RYR2: variants seen among roughly 807,000 people sequenced by gnomAD.
RYR2 encodes the protein cardiac muscle ryanodine receptor-calcium release channel.
In RYR2, 227 loss-of-function variants were observed where a neutral mutation model predicts 601.1. That is an observed-to-expected ratio of 0.38 (90% confidence interval 0.34 to 0.42). The LOEUF is 0.42. Ranked by LOEUF, RYR2 falls within the 10% of genes least tolerant of loss-of-function variation. The pLI, the probability that RYR2 is intolerant of heterozygous loss-of-function variation, is 1.00. For missense variants in RYR2, 4,646 were observed against 6,156.5 expected (o/e 0.75, Z 8.21); for synonymous variants, 2,223 against 2,175.1 (o/e 1.02, Z -0.61).
At chr1:237,259,395 C>T (rs907744602) in intron 1 of RYR2, among the ~76,000 whole-genome samples, 1 of 152,006 alleles carries the variant, frequency 6.6e-6, no homozygotes, top group African/African-American at 2.4e-5. Context: ...GTAATCTCAG[C>T]TACTCAGGAG....
At chr1:237,125,652 A>C (rs1671328542) in intron 1 of RYR2, among the ~76,000 whole-genome samples, 1 of 152,226 alleles carries the variant, frequency 6.6e-6, no homozygotes, top group Non-Finnish European at 1.5e-5. Flanking sequence ...TCTAAATATT[A>C]AACTGAATGA....
At chr1:237,741,401 C>T (rs991155505) in intron 79 of RYR2, among the ~76,000 whole-genome samples, 5 of 152,002 alleles carry the variant, frequency 3.3e-5, no homozygotes, top group Non-Finnish European at 7.4e-5. Context: ...CCTTCATACA[C>T]CCCATGGAAA....
intron 1 of RYR2, among the ~76,000 whole-genome samples, chr1:237,088,999 T>G (rs1396476921): frequency 6.6e-6 from 1 of 152,200 alleles, no homozygotes; most frequent in African/African-American, 2.4e-5. Context: ...CAAACCCACA[T>G]GGGTCCCATA....
At chr1:237,471,725 A>G (rs578077161) in intron 17 of RYR2, among the ~76,000 whole-genome samples, 22 of 152,218 alleles carry the variant, frequency 1.4e-4, no homozygotes, top group Non-Finnish European at 2.4e-4. Context: ...TGTCAGTTAC[A>G]GGCACAGTTT....
intron 1 of RYR2, among the ~76,000 whole-genome samples, chr1:237,259,381 G>A (rs1431084342): frequency 2.0e-5 from 3 of 152,040 alleles, no homozygotes; most frequent in Admixed American, 6.6e-5. Context: ...GGTGCTGTGC[G>A]CCTGTAATCT....
Position 237,801,823 on chromosome 1 carries a change from A to G in RYR2, c.14091-33A>G, listed in dbSNP as rs575503084. 49 of 1,436,490 alleles carry G rather than the reference A, an allele frequency of 3.4e-5. No individual in the cohort carries two copies. In the East Asian group the frequency reaches 9.4e-4, roughly 28 times the overall value. 89.0% of individuals were successfully genotyped at this position (1,436,490 alleles called of 1,614,324 possible). On this transcript the variant is annotated intron_variant, in intron 97 of 104. Coordinates refer to ENST00000366574, the MANE Select transcript of RYR2 (RefSeq NM_001035.3). ...GCCTATGAGTCTTTGGTTAATGTGCATAACTACGCATTTTTTTTTTTTGTC... is the reference window on the plus strand; with the variant it reads ...GCCTATGAGTCTTTGGTTAATGTGCGTAACTACGCATTTTTTTTTTTTGTC...
chr1:237,499,552 T>C (rs915678414), intron 20 of RYR2, among the ~76,000 whole-genome samples: 2 of 152,232 alleles, frequency 1.3e-5, no homozygotes, highest in Admixed American at 6.5e-5. Flanking sequence ...TTTTTCTGCA[T>C]TGCTTTTATA....
At chr1:237,117,730 CT>C (rs1670284311) in intron 1 of RYR2, among the ~76,000 whole-genome samples, 3 of 137,432 alleles carry the variant, frequency 2.2e-5, no homozygotes, top group African/African-American at 8.5e-5. Context: ...CTCTTCTCTT[CT>C]CTTCTCTTCT....
chr1:237,362,424 A>C (rs1484543023), intron 4 of RYR2, among the ~76,000 whole-genome samples: 1 of 152,218 alleles, frequency 6.6e-6, no homozygotes, highest in Non-Finnish European at 1.5e-5. Context: ...CAAAAACGAC[A>C]TTCTCCACAC....
At chr1:237,808,403 G>A (rs548467224) in intron 99 of RYR2, among the ~76,000 whole-genome samples, 1 of 152,236 alleles carries the variant, frequency 6.6e-6, no homozygotes, top group East Asian at 1.9e-4. Flanking sequence ...GCTCACGCCT[G>A]TAATCCCAGC....
intron 12 of RYR2, among the ~76,000 whole-genome samples, chr1:237,426,913 A>G (rs7532079): frequency 0.99 from 150,515 of 152,278 alleles, 74,390 homozygotes; most frequent in East Asian, 1. Flanking sequence ...TTAACAGGCA[A>G]AATACATCTA....
chr1:237,824,615 G>A (rs1662889998), intron 101 of RYR2, among the ~76,000 whole-genome samples: 1 of 152,058 alleles, frequency 6.6e-6, no homozygotes, highest in South Asian at 2.1e-4. Flanking sequence ...TTGAAAACTG[G>A]CACAAGACAA....
At chr1:237,787,316 G>A (rs1010099185) in intron 91 of RYR2, among the ~76,000 whole-genome samples, 2 of 151,986 alleles carry the variant, frequency 1.3e-5, no homozygotes, top group African/African-American at 2.4e-5. Flanking sequence ...TAGGCTGGGC[G>A]TGGTGGCTCA....
chr1:237,410,279 G>A (rs774345136), intron 10 of RYR2, among the ~76,000 whole-genome samples: 12 of 152,070 alleles, frequency 7.9e-5, no homozygotes, highest in Non-Finnish European at 1.2e-4. Context: ...GCTCTGAAGC[G>A]CTGTGAATTT....
At chr1:237,240,533 A>G (rs11803396) in intron 1 of RYR2, among the ~76,000 whole-genome samples, 1 of 152,032 alleles carries the variant, frequency 6.6e-6, no homozygotes, top group Non-Finnish European at 1.5e-5. Flanking sequence ...ACTTATTTTC[A>G]CAATGATAAA....
intron 1 of RYR2, among the ~76,000 whole-genome samples, chr1:237,053,521 C>T (rs1661548656): frequency 6.6e-6 from 1 of 152,150 alleles, no homozygotes; most frequent in African/African-American, 2.4e-5. Context: ...TGAGTCAGTC[C>T]TACTCACACC....
chr1:237,312,066 C>G (rs1049778564), intron 2 of RYR2, among the ~76,000 whole-genome samples: 2 of 152,100 alleles, frequency 1.3e-5, no homozygotes, highest in Non-Finnish European at 2.9e-5. Flanking sequence ...TCTTGAAGAG[C>G]TACTTTTTAT....
intron 1 of RYR2, among the ~76,000 whole-genome samples, chr1:237,229,753 C>T (rs1684769878): frequency 6.6e-6 from 1 of 152,130 alleles, no homozygotes; most frequent in Non-Finnish European, 1.5e-5. Context: ...GATCAAAACA[C>T]AACAGAATAA....
chr1:237,254,130 C>A (rs187692464), intron 1 of RYR2, among the ~76,000 whole-genome samples: 1 of 152,056 alleles, frequency 6.6e-6, no homozygotes, highest in Non-Finnish European at 1.5e-5. Flanking sequence ...TATACCATGC[C>A]CCATGTTTTT....
Sources: allele counts gnomAD v4.1 joint callset (sites outside exome capture counted in the v4.1 genomes callset), GRCh38; gene constraint gnomAD v4.1.1; transcripts MANE v1.5; gene names NCBI Gene and HGNC (gene_info 2026-07-23, HGNC 2026-07-21).